Variants in ADGRG7 observed in about 807,000 individuals in gnomAD.
ADGRG7 encodes adhesion G protein-coupled receptor G7.
Under a neutral mutation model 88.6 loss-of-function variants are expected in ADGRG7, and 82 were observed. That is an observed-to-expected ratio of 0.93 (90% CI 0.77 to 1.11). The LOEUF is 1.11. ADGRG7 is among the 50% of genes most tolerant of loss of function. The probability of loss-of-function intolerance (pLI) is 0.00; values close to 1 mark genes in which losing one functional copy is unlikely to be tolerated. For synonymous variants in ADGRG7, 381 were observed against 345.2 expected, an observed-to-expected ratio of 1.10 and a Z score of -1.15; for missense variants, 945 against 953.4, an observed-to-expected ratio of 0.99 and a Z score of 0.12.
chr3:100,616,535 G>A (rs1390555625), intron 1 of ADGRG7, among the ~76,000 whole-genome samples: 4 of 152,216 alleles, frequency 2.6e-5, no homozygotes, highest in African/African-American at 9.6e-5. Flanking sequence ...TTAAGGTGCT[G>A]AGCATGGTGA....
intron 1 of ADGRG7, among the ~76,000 whole-genome samples, chr3:100,628,117 C>T (rs772371048): frequency 1.3e-5 from 2 of 152,110 alleles, no homozygotes; most frequent in African/African-American, 4.8e-5. Flanking sequence ...CATACCTTAA[C>T]CCATTAAGAC....
chr3:100,662,155 A>G (rs1005100065), intron 14 of ADGRG7, among the ~76,000 whole-genome samples: 3 of 152,170 alleles, frequency 2.0e-5, no homozygotes, highest in South Asian at 2.1e-4. Flanking sequence ...CTTAGTATCT[A>G]TATGGGTTGG....
At position 100,643,413 on chromosome 3, in the gene ADGRG7, G is replaced by A; in HGVS notation, c.838+8G>A. 1 of 1,613,678 alleles carries A rather than the reference G, an allele frequency of 6.2e-7. No individual in the cohort carries two copies. On this transcript the variant is annotated splice_region_variant and intron_variant, in intron 7 of 15. Coordinates refer to ENST00000273352, the MANE Select transcript of ADGRG7 (RefSeq NM_032787.3). ...GCTTCTCTGTGCAGAAAGGTGAGCT[G>A]TTAATCTTATGTGCTTGTAACAGCA...
intron 1 of ADGRG7, among the ~76,000 whole-genome samples, chr3:100,626,662 G>A (rs776761579): frequency 1.4e-4 from 21 of 152,158 alleles, no homozygotes; most frequent in Non-Finnish European, 2.8e-4. Context: ...GCATGTGCCC[G>A]TAGTCCCAGC....
At chr3:100,679,024 C>T (rs1440742063) in intron 15 of ADGRG7, among the ~76,000 whole-genome samples, 2 of 152,214 alleles carry the variant, frequency 1.3e-5, no homozygotes, top group Admixed American at 1.3e-4. Context: ...TCTAGCCAGG[C>T]TTGTTTCCTT....
chr3:100,653,169 C>T (rs2094932167), intron 11 of ADGRG7, among the ~76,000 whole-genome samples: 1 of 152,096 alleles, frequency 6.6e-6, no homozygotes, highest in Admixed American at 6.5e-5. Flanking sequence ...TTTAAAAAAG[C>T]AGTAATCATT....
At chr3:100,611,303 T>TTC (rs1559666905) in intron 1 of ADGRG7, among the ~76,000 whole-genome samples, 2 of 124,354 alleles carry the variant, frequency 1.6e-5, no homozygotes, top group African/African-American at 7.1e-5. Context: ...TTCCTTCCTT[T>TTC]CTTCTTTCCT....
intron 11 of ADGRG7, among the ~76,000 whole-genome samples, chr3:100,652,521 G>C (rs549012961): frequency 6.6e-6 from 1 of 152,212 alleles, no homozygotes; most frequent in South Asian, 2.1e-4. Context: ...TTATTGGCGA[G>C]GAACTGTCTG....
At chr3:100,655,276 A>G in intron 12 of ADGRG7, 95 bp downstream of exon 12, 1 of 845,978 alleles carries the variant, frequency 1.2e-6, no homozygotes, top group Non-Finnish European at 1.8e-6. Flanking sequence ...CAAGGCCTTG[A>G]CGTAATTAAG....
intron 15 of ADGRG7, among the ~76,000 whole-genome samples, chr3:100,681,462 C>T (rs998781564): frequency 5.3e-5 from 8 of 152,026 alleles, no homozygotes; most frequent in Admixed American, 3.9e-4. Flanking sequence ...AGGCATGTGC[C>T]ACCATGTCAG....
chr3:100,672,760 G>A (rs948105227), intron 15 of ADGRG7, among the ~76,000 whole-genome samples: 14 of 152,116 alleles, frequency 9.2e-5, no homozygotes, highest in African/African-American at 3.1e-4. Context: ...AGAAGTTTTA[G>A]CATGATGGGG....
chr3:100,672,819 T>G (rs2094960416), intron 15 of ADGRG7, among the ~76,000 whole-genome samples: 1 of 152,202 alleles, frequency 6.6e-6, no homozygotes, highest in Non-Finnish European at 1.5e-5. Flanking sequence ...GATAATCATG[T>G]GGTTTTTGTC....
rs927301962 is a variant in ADGRG7 at position 100,695,460 on chromosome 3, A to G, written c.*459A>G. On this transcript the variant is annotated 3_prime_UTR_variant, in exon 16 of 16. Coordinates refer to ENST00000273352, the MANE Select transcript of ADGRG7 (RefSeq NM_032787.3). ...CGTATGTGCTTGTACTTTTATTTCC[A>G]ATGAAGAATTTGGCACCAATTCAAA... The G allele has an allele frequency of 6.6e-6, 1 of 152,564 alleles. No individual in the cohort carries two copies. Among genetic ancestry groups the G allele is most frequent in the African/African-American group, 2.4e-5 (1 of 41,430 alleles). 9.5% of individuals were successfully genotyped at this position (152,564 alleles called of 1,614,324 possible).
chr3:100,633,252 CT>C lies in ADGRG7; in HGVS notation c.335-10del. On this transcript the variant is annotated splice_polypyrimidine_tract_variant and intron_variant, in intron 3 of 15. Transcript: ENST00000273352. ...AATACTTATTTTTAATAAAAAATTT[CT>C]TTGTATTAAAGCGGGCAATCCAATG... 1 of 1,307,636 alleles carries C rather than the reference CT, an allele frequency of 7.6e-7. No homozygotes were observed. The highest frequency in any genetic ancestry group is 1.5e-5 in the African/African-American group (1 of 65,588). 81.0% of individuals were successfully genotyped at this position (1,307,636 alleles called of 1,614,324 possible).
chr3:100,684,051 C>G (rs1365316397), intron 15 of ADGRG7, among the ~76,000 whole-genome samples: 2 of 152,128 alleles, frequency 1.3e-5, no homozygotes, highest in Non-Finnish European at 2.9e-5. Flanking sequence ...TAACAAGTCT[C>G]TCAGTCCCAC....
chr3:100,672,885 C>T (rs945362556), intron 15 of ADGRG7, among the ~76,000 whole-genome samples: 2 of 152,130 alleles, frequency 1.3e-5, no homozygotes, highest in African/African-American at 4.8e-5. Flanking sequence ...GTTGAGCCAG[C>T]CTTGCATCCC....
intron 6 of ADGRG7, among the ~76,000 whole-genome samples, chr3:100,638,731 A>G (rs78992945): frequency 0.015 from 2,314 of 152,130 alleles, 48 homozygotes; most frequent in African/African-American, 0.052. Context: ...AAAGAAAAAG[A>G]GAACTCTACC....
chr3:100,678,828 C>T (rs1440843555), intron 15 of ADGRG7, among the ~76,000 whole-genome samples: 1 of 152,206 alleles, frequency 6.6e-6, no homozygotes, highest in Non-Finnish European at 1.5e-5. Flanking sequence ...GTCTCTCTCT[C>T]TGTGCTGAGC....
chr3:100,629,449 ATT>A, intron 1 of ADGRG7, 147 bp from the exon 2 acceptor site: 1 of 547,046 alleles, frequency 1.8e-6, no homozygotes, highest in Non-Finnish European at 3.3e-6. Context: ...CTCAGTGTAT[ATT>A]TTATTAATGA....
Sources: allele counts gnomAD v4.1 joint callset (sites outside exome capture counted in the v4.1 genomes callset), GRCh38; gene constraint gnomAD v4.1.1; transcripts MANE v1.5; gene names NCBI Gene and HGNC (gene_info 2026-07-23, HGNC 2026-07-21).